The following GNAL variants were observed in gnomAD, a reference collection of about 807,000 sequenced individuals.
GNAL encodes the protein guanine nucleotide-binding protein G(olf) subunit alpha.
In GNAL, 18 loss-of-function variants were observed where a neutral mutation model predicts 55.1. That is an observed-to-expected ratio of 0.33 (90% CI 0.23 to 0.48). GNAL has a LOEUF of 0.48. GNAL is among the 20% of genes least tolerant of loss of function. The probability of loss-of-function intolerance (pLI) is 0.99; values close to 1 mark genes in which losing one functional copy is unlikely to be tolerated. For synonymous variants in GNAL, 253 were observed against 237.0 expected (o/e 1.07, Z -0.62); for missense variants, 412 against 614.1 (o/e 0.67, Z 3.48).
At chr18:11,746,665 G>A (rs16976627) in intron 1 of GNAL, 34,241 of 248,822 alleles carry the variant, frequency 0.14, 2,961 homozygotes, top group East Asian at 0.27. Flanking sequence ...CAATTTTGAC[G>A]ACAGACAGAA....
intron 4 of GNAL, among the ~76,000 whole-genome samples, chr18:11,776,147 A>G (rs1465409642): frequency 6.6e-6 from 1 of 152,176 alleles, no homozygotes; most frequent in Admixed American, 6.5e-5. Flanking sequence ...TTCCAGTGCA[A>G]ATCTGACTCT....
At chr18:11,691,309 T>C (rs2031240785) in intron 1 of GNAL, among the ~76,000 whole-genome samples, 1 of 150,756 alleles carries the variant, frequency 6.6e-6, no homozygotes, top group Non-Finnish European at 1.5e-5. Flanking sequence ...ATGGGGTTGT[T>C]TGTTTTTTTC....
intron 4 of GNAL, among the ~76,000 whole-genome samples, chr18:11,761,037 G>A (rs2033224485): frequency 1.3e-5 from 2 of 152,188 alleles, no homozygotes; most frequent in Non-Finnish European, 2.9e-5. Flanking sequence ...AGGAAGTGGA[G>A]CAGAGCTAGC....
rs903376436 is a variant in GNAL at position 11,884,217 on chromosome 18, T to G, written c.*3082T>G. 3.9e-6 allele frequency: 2 copies of G among 517,914 alleles called. No individual in the cohort carries two copies. Among genetic ancestry groups the G allele is most frequent in the Middle Eastern group, 5.4e-4 (1 of 1,856 alleles). The allele number at this position is 517,914 out of a possible 1,614,324, so 32.1% of individuals were successfully genotyped here. A position where few individuals can be genotyped will look rare whatever the true frequency, so the allele number is the denominator to read the frequency against. ...TGCAACCTTTGATGATACATATATT[T>G]GATAAAAATGAGAAAACAGATTTGT... is the stretch of plus-strand genomic sequence containing the variant. On this transcript the variant is annotated 3_prime_UTR_variant, in exon 12 of 12. Transcript: ENST00000334049.
chr18:11,694,171 G>A (rs554121899), intron 1 of GNAL, among the ~76,000 whole-genome samples: 101 of 152,058 alleles, frequency 6.6e-4, no homozygotes, highest in Non-Finnish European at 1.1e-3. Flanking sequence ...ATCACTCCAT[G>A]CCTGCTAGTG....
chr18:11,729,990 A>G (rs1389406774), intron 1 of GNAL, among the ~76,000 whole-genome samples: 2 of 151,762 alleles, frequency 1.3e-5, no homozygotes. Flanking sequence ...GGGATTCTTT[A>G]TTTAGTTGGC....
rs140323304 is a variant in GNAL, at chr18:11,838,191, C to T, written c.722+13176C>T. Among the ~76,000 whole-genome samples the T allele has an allele frequency of 2.1e-3, 322 of 152,216 alleles. 2 individuals are homozygous for T. The highest frequency in any genetic ancestry group is 7.5e-3 in the African/African-American group (310 of 41,550). ...CGATGAGTGGATAAACAAAATGTGA[C>T]GCATCCACACGATAGAATGTTATTC... On this transcript the variant is annotated intron_variant, in intron 5 of 11. Coordinates refer to ENST00000334049, the MANE Select transcript of GNAL (RefSeq NM_182978.4).
At chr18:11,809,622 A>C (rs572478148) in intron 4 of GNAL, among the ~76,000 whole-genome samples, 1 of 152,262 alleles carries the variant, frequency 6.6e-6, no homozygotes, top group East Asian at 1.9e-4. Flanking sequence ...AATCCCAGCT[A>C]CTTGAGAGGC....
At position 11,690,688 on chromosome 18, in the gene GNAL, C is replaced by T. The variant is rs200983624; in HGVS notation, c.376+749C>T. On this transcript the variant is annotated intron_variant, in intron 1 of 11. Coordinates refer to ENST00000334049, the MANE Select transcript of GNAL (RefSeq NM_182978.4). ...TGTGTTCTCATTGTTCAATTCCCAC[C>T]TATGAGTGAGAATATGCGGTGTTTG... Among the ~76,000 whole-genome samples, 50 of 147,318 alleles carry T rather than the reference C, an allele frequency of 3.4e-4. No individual in the cohort carries two copies. In the East Asian group the frequency reaches 9.3e-3, roughly 27 times the overall value.
At chr18:11,812,752 G>A (rs1261117707) in intron 4 of GNAL, among the ~76,000 whole-genome samples, 1 of 152,052 alleles carries the variant, frequency 6.6e-6, no homozygotes, top group Non-Finnish European at 1.5e-5. Context: ...GCTGAGGCAA[G>A]AGAATCACTT....
chr18:11,854,484 C>T (rs1255002937), intron 5 of GNAL: 1 of 166,960 alleles, frequency 6.0e-6, no homozygotes, highest in Non-Finnish European at 1.5e-5. Context: ...TTAAAAAACA[C>T]TTAAGAAAAA....
intron 11 of GNAL, among the ~76,000 whole-genome samples, chr18:11,878,971 G>T (rs534557865): frequency 7.4e-6 from 1 of 134,576 alleles, no homozygotes; most frequent in Admixed American, 7.6e-5. Context: ...TTGGAGGAGT[G>T]GGGAGGGATA....
chr18:11,735,034 G>A (rs1447278467), intron 1 of GNAL, among the ~76,000 whole-genome samples: 1 of 149,762 alleles, frequency 6.7e-6, no homozygotes, highest in African/African-American at 2.5e-5. Context: ...CATTTGATAA[G>A]GTTTTGTTTA....
At chr18:11,829,522 C>T (rs2035328894) in intron 5 of GNAL, among the ~76,000 whole-genome samples, 2 of 152,246 alleles carry the variant, frequency 1.3e-5, no homozygotes, top group South Asian at 4.1e-4. Flanking sequence ...CTCCCACCAC[C>T]GTCACTTCAT....
At chr18:11,748,853 A>G (rs2032748539) in intron 1 of GNAL, among the ~76,000 whole-genome samples, 2 of 152,170 alleles carry the variant, frequency 1.3e-5, no homozygotes, top group Non-Finnish European at 2.9e-5. Context: ...GGCCAGGCGC[A>G]GTAGCTCAGG....
At chr18:11,789,683 T>G (rs924202398) in intron 4 of GNAL, among the ~76,000 whole-genome samples, 1 of 152,236 alleles carries the variant, frequency 6.6e-6, no homozygotes, top group Non-Finnish European at 1.5e-5. Flanking sequence ...TCCTTATATT[T>G]TATCATCACC....
At position 11,868,766 on chromosome 18, in the gene GNAL, A is replaced by C; in HGVS notation, c.1031+103A>C. 1.1e-6 allele frequency: 1 copy of C among 915,104 alleles called. No homozygotes were observed. The highest frequency in any genetic ancestry group is 2.5e-5 in the Admixed American group (1 of 39,386). The allele number at this position is 915,104 out of a possible 1,614,324, so 56.7% of individuals were successfully genotyped here. On this transcript the variant is annotated intron_variant, in intron 9 of 11. Coordinates refer to ENST00000334049, the MANE Select transcript of GNAL (RefSeq NM_182978.4). The surrounding 1 kb of genome is among the most constrained non-coding windows in gnomAD (Gnocchi z 4.0). ...TGTGGCTCACACCTGTAATCTCAACACTGGGAGGCCGAGGCAGGTGTGTCA... is the reference window on the plus strand; with the variant it reads ...TGTGGCTCACACCTGTAATCTCAACCCTGGGAGGCCGAGGCAGGTGTGTCA...
rs201762409 is a variant in GNAL, at chr18:11,698,490, CAAAAAAAAA to C, written c.376+8561_376+8569del. On this transcript the variant is annotated intron_variant, in intron 1 of 11. Coordinates refer to ENST00000334049, the MANE Select transcript of GNAL (RefSeq NM_182978.4). Reference sequence around the variant, plus strand: ...TGGGAGACAGAACAAGACTCTGTCTCAAAAAAAAAAAAAAAAAATAGAGGGCTGAGAAGG... The same window carrying C: ...TGGGAGACAGAACAAGACTCTGTCTCAAAAAAAAATAGAGGGCTGAGAAGG... Among the ~76,000 whole-genome samples the C allele has an allele frequency of 3.3e-3, 291 of 88,400 alleles. 6 individuals are homozygous for C. In the East Asian group the frequency reaches 0.084, roughly 26 times the overall value. The allele number at this position is 88,400 out of a possible 152,430, so 58.0% of individuals were successfully genotyped here. A position where few individuals can be genotyped will look rare whatever the true frequency, so the allele number is the denominator to read the frequency against.
intron 5 of GNAL, among the ~76,000 whole-genome samples, chr18:11,855,436 A>C (rs1357371478): frequency 6.6e-6 from 1 of 152,150 alleles, no homozygotes; most frequent in Non-Finnish European, 1.5e-5. Flanking sequence ...CAAGTGCACA[A>C]TTTCTAACAT....
Sources: gnomAD v4.1 joint callset for allele counts (sites outside exome capture counted in the v4.1 genomes callset) on GRCh38, gnomAD v4.1.1 for gene constraint, Gnocchi (gnomAD v3.1) non-coding constraint, MANE v1.5 for transcripts, NCBI Gene and HGNC (gene_info 2026-07-23, HGNC 2026-07-21) for gene names.